Variants in PRKDC observed in about 807,000 individuals in gnomAD.
PRKDC encodes DNA-dependent protein kinase catalytic subunit.
PRKDC carries 82 observed loss-of-function variants against 486.9 expected under a neutral mutation model. The ratio of observed to expected loss-of-function variants is 0.17; its 90% CI spans 0.14 to 0.20. PRKDC has a LOEUF of 0.20. Ranked by LOEUF, PRKDC falls within the 10% of genes least tolerant of loss-of-function variation. The pLI, the probability that PRKDC is intolerant of heterozygous loss-of-function variation, is 1.00. For synonymous variants in PRKDC, 1,895 were observed against 1,837.0 expected (o/e 1.03, Z -0.81); for missense variants, 4,504 against 5,038.2 (o/e 0.89, Z 3.21).
chr8:47,857,649 C>T (rs8178154), intron 48 of PRKDC, among the ~76,000 whole-genome samples: 1 of 152,166 alleles, frequency 6.6e-6, no homozygotes, highest in Non-Finnish European at 1.5e-5. Context: ...ACCCTGCCAG[C>T]AGCTTGATCT....
intron 25 of PRKDC, among the ~76,000 whole-genome samples, chr8:47,908,753 A>T (rs2089840330): frequency 6.6e-6 from 1 of 152,228 alleles, no homozygotes; most frequent in African/African-American, 2.4e-5. Flanking sequence ...ACATTTTAAT[A>T]TTATAAACTG....
intron 36 of PRKDC, among the ~76,000 whole-genome samples, chr8:47,885,521 T>C (rs1240379870): frequency 6.6e-6 from 1 of 152,200 alleles, no homozygotes; most frequent in Non-Finnish European, 1.5e-5. Context: ...GCAAGAGCTT[T>C]CAACCTTATA....
At chr8:47,804,545 C>T (rs2087178756) in intron 69 of PRKDC, among the ~76,000 whole-genome samples, 1 of 152,120 alleles carries the variant, frequency 6.6e-6, no homozygotes, top group Non-Finnish European at 1.5e-5. Flanking sequence ...AGTGATCCAC[C>T]CGCCTTGGCC....
Position 47,776,952 on chromosome 8 carries a change from C to A in PRKDC, c.12074G>T (p.Gly4025Val). Residue 4025 changes from glycine to valine, a missense_variant, in exon 85 of 86, where the codon GGG (glycine) becomes GTG (valine). Around this residue, in one of 6 missense-constraint regions of PRKDC, gnomAD observed 706 missense variants for 945.0 expected, o/e 0.75. Transcript: ENST00000314191. ...AACATTTATTTCTTGAATCCATGAC[C>A]CTCCTTTTTTCAGCATTTTCTGTTC... The part of the protein sequence containing the change: ...NFEQKMLKKG[G>V]SWIQEINVAE... 1 of 1,610,344 alleles carries A rather than the reference C, an allele frequency of 6.2e-7. No homozygotes were observed. Among genetic ancestry groups the A allele is most frequent in the Non-Finnish European group, 8.5e-7 (1 of 1,179,140 alleles).
chr8:47,891,114 T>C (rs10109984), intron 31 of PRKDC, among the ~76,000 whole-genome samples: 80,702 of 151,906 alleles, frequency 0.53, 24,530 homozygotes, highest in African/African-American at 0.84. Context: ...CCATCTCAGG[T>C]TGTTCATCAG....
chr8:47,792,750 ATAAAAAT>A (rs2086903502), intron 74 of PRKDC, among the ~76,000 whole-genome samples: 1 of 152,204 alleles, frequency 6.6e-6, no homozygotes, highest in African/African-American at 2.4e-5. Flanking sequence ...CTATGTACCC[ATAAAAAT>A]TAAAAATTAA....
chr8:47,902,761 C>T lies in PRKDC; in HGVS notation c.3077G>A (p.Arg1026Lys). 1 of 1,613,400 alleles carries T rather than the reference C, an allele frequency of 6.2e-7. No homozygotes were observed. Among genetic ancestry groups the T allele is most frequent in the Non-Finnish European group, 8.5e-7 (1 of 1,179,670 alleles). ...GIVDPVDSTL[R>K]DFCGRCIREF... ...TCGAATACACCGACCACAAAAATCT[C>T]TTAAAGTACTGTCAACAGGGTCCAC... Residue 1026 changes from arginine to lysine, a missense_variant, in exon 27 of 86, where the codon AGA becomes AAA. This residue lies in a region of PRKDC where 1,969 missense variants were observed against 2,068.9 expected (regional missense o/e 0.95). Transcript: ENST00000314191.
intron 1 of PRKDC, 64 bp from the exon 2 acceptor site, chr8:47,957,495 A>C: frequency 7.9e-7 from 1 of 1,266,684 alleles, no homozygotes; most frequent in Non-Finnish European, 1.1e-6. Flanking sequence ...ACCACTCCTA[A>C]AGGGGTTGCA....
intron 54 of PRKDC, among the ~76,000 whole-genome samples, chr8:47,843,403 C>T (rs2154499992): frequency 6.6e-6 from 1 of 151,560 alleles, no homozygotes; most frequent in East Asian, 1.9e-4. Flanking sequence ...TGTAAAAATC[C>T]ATTATATGTA....
At chr8:47,804,169 A>G (rs1163452232) in intron 69 of PRKDC, among the ~76,000 whole-genome samples, 1 of 152,172 alleles carries the variant, frequency 6.6e-6, no homozygotes, top group Non-Finnish European at 1.5e-5. Context: ...TCAGAAAATA[A>G]GTGGTGATTT....
chr8:47,800,967 G>C lies in PRKDC; in HGVS notation c.9942C>G (p.Ser3314Arg). 6 of 1,613,840 alleles carry C rather than the reference G, an allele frequency of 3.7e-6. No individual in the cohort carries two copies. The highest frequency in any genetic ancestry group is 5.1e-6 in the Non-Finnish European group (6 of 1,179,834). ...AAGCCAGAATATTTTTGCTTAAGTA[G>C]CTTGACACGTTGTTCTCATCTGTTG... ...VSLLDENNVSSYLSKNILAFR... is the reference protein window; with the variant it reads ...VSLLDENNVSRYLSKNILAFR... The change falls in exon 71 of 86, where the codon AGC becomes AGG. Residue 3314 changes from serine to arginine, a missense_variant. Transcript: ENST00000314191.
At chr8:47,881,280 G>A in intron 38 of PRKDC, 136 bp downstream of exon 38, 3 of 609,662 alleles carry the variant, frequency 4.9e-6, no homozygotes, top group African/African-American at 1.9e-5. Context: ...AATAAGTACG[G>A]GGGATTACTG....
intron 21 of PRKDC, among the ~76,000 whole-genome samples, chr8:47,921,078 C>T (rs1224373266): frequency 6.6e-6 from 1 of 151,892 alleles, no homozygotes; most frequent in Non-Finnish European, 1.5e-5. Flanking sequence ...ATGGTGAAAC[C>T]CCCATCTCTA....
At chr8:47,949,071 T>C (rs1281654398) in intron 7 of PRKDC, among the ~76,000 whole-genome samples, 3 of 152,162 alleles carry the variant, frequency 2.0e-5, no homozygotes, top group Non-Finnish European at 2.9e-5. Flanking sequence ...GGAGAACCCT[T>C]TTCTCACTTC....
chr8:47,905,348 G>A (rs2089759543), intron 25 of PRKDC, among the ~76,000 whole-genome samples: 1 of 152,086 alleles, frequency 6.6e-6, no homozygotes, highest in Non-Finnish European at 1.5e-5. Flanking sequence ...TCCTTTTCCA[G>A]TTAAATTCCA....
intron 11 of PRKDC, 83 bp downstream of exon 11, chr8:47,939,468 C>T (rs757009677): frequency 1.4e-6 from 2 of 1,454,158 alleles, no homozygotes; most frequent in Non-Finnish European, 1.9e-6. Flanking sequence ...AAGTATTAGA[C>T]ACTATTCAAA....
chr8:47,818,833 A>G (rs1426432397), intron 67 of PRKDC, among the ~76,000 whole-genome samples: 1 of 152,194 alleles, frequency 6.6e-6, no homozygotes. Context: ...TAACAAACAA[A>G]ACATTTTACC....
chr8:47,874,610 T>A (rs1439864335), intron 40 of PRKDC, among the ~76,000 whole-genome samples: 8 of 149,914 alleles, frequency 5.3e-5, no homozygotes, highest in African/African-American at 1.7e-4. Flanking sequence ...ATACAAAGAA[T>A]TACCCAAGTG....
intron 27 of PRKDC, among the ~76,000 whole-genome samples, chr8:47,901,169 T>TG (rs1280780226): frequency 1.5e-4 from 13 of 87,526 alleles, no homozygotes; most frequent in African/African-American, 4.4e-4. Context: ...AAGGGCGGGG[T>TG]GGGGGGGCTC....
Sources: allele counts gnomAD v4.1 joint callset (sites outside exome capture counted in the v4.1 genomes callset), GRCh38; gene constraint gnomAD v4.1.1; regional missense constraint gnomAD v4.1.1; transcripts MANE v1.5; gene names NCBI Gene and HGNC (gene_info 2026-07-23, HGNC 2026-07-21).